PLD5: variants seen among roughly 807,000 people sequenced by gnomAD.
PLD5 encodes inactive phospholipase D5.
In PLD5, 36 loss-of-function variants were observed where a neutral mutation model predicts 61.1. That is an observed-to-expected ratio of 0.59 (90% CI 0.45 to 0.78). The LOEUF (loss-of-function observed/expected upper bound fraction) is 0.78, where lower values mean the gene tolerates loss of function less well. PLD5 is among the 30% of genes least tolerant of loss of function. The probability of loss-of-function intolerance (pLI) is 0.00; values close to 1 mark genes in which losing one functional copy is unlikely to be tolerated. For synonymous variants in PLD5, 243 were observed against 242.8 expected, an observed-to-expected ratio of 1.00 and a Z score of -0.01; for missense variants, 515 against 644.4, an observed-to-expected ratio of 0.80 and a Z score of 2.17.
At chr1:242,445,398 G>A (rs2102914740) in intron 1 of PLD5, among the ~76,000 whole-genome samples, 1 of 152,328 alleles carries the variant, frequency 6.6e-6, no homozygotes, top group Non-Finnish European at 1.5e-5. Flanking sequence ...CTGGAGTGCA[G>A]TGGTACAATC....
At chr1:242,316,419 G>A (rs189034716) in intron 2 of PLD5, among the ~76,000 whole-genome samples, 7 of 152,150 alleles carry the variant, frequency 4.6e-5, no homozygotes, top group Admixed American at 2.0e-4. Context: ...CATGGCTTTC[G>A]GTTGAGGCTG....
At chr1:242,375,563 A>G (rs896461151) in intron 1 of PLD5, among the ~76,000 whole-genome samples, 4 of 152,246 alleles carry the variant, frequency 2.6e-5, no homozygotes, top group Non-Finnish European at 4.4e-5. Flanking sequence ...CGTTGACTAC[A>G]GTATATCATG....
rs1472446349 is a variant in PLD5 at position 242,085,365 on chromosome 1, A to G, written c.*4489T>C. On this transcript the variant is annotated 3_prime_UTR_variant, in exon 10 of 10. Coordinates refer to ENST00000536534, the MANE Select transcript of PLD5 (RefSeq NM_001372062.1). ...TTACATCTTCAAGAAACTTCTGAGGAATACCCATTGAGTCACTGTATAAAG... is the reference window on the plus strand; with the variant it reads ...TTACATCTTCAAGAAACTTCTGAGGGATACCCATTGAGTCACTGTATAAAG... 1 of 152,214 alleles carries G rather than the reference A, an allele frequency of 6.6e-6. No homozygotes were observed. The highest frequency in any genetic ancestry group is 2.4e-5 in the African/African-American group (1 of 41,458). The allele number at this position is 152,214 out of a possible 1,614,324, so 9.4% of individuals were successfully genotyped here. A position where few individuals can be genotyped will look rare whatever the true frequency, so the allele number is the denominator to read the frequency against.
chr1:242,363,609 A>T (rs1661189574), intron 1 of PLD5, among the ~76,000 whole-genome samples: 1 of 151,960 alleles, frequency 6.6e-6, no homozygotes, highest in Non-Finnish European at 1.5e-5. Flanking sequence ...AGTAATATCT[A>T]CCAGACATGC....
At chr1:242,133,224 T>C (rs116833758) in intron 5 of PLD5, among the ~76,000 whole-genome samples, 181 of 152,162 alleles carry the variant, frequency 1.2e-3, no homozygotes, top group African/African-American at 4.2e-3. Context: ...GACATTTGCA[T>C]AGGGTATAAT....
chr1:242,360,669 T>C (rs1661016023), intron 1 of PLD5, among the ~76,000 whole-genome samples: 1 of 152,200 alleles, frequency 6.6e-6, no homozygotes, highest in South Asian at 2.1e-4. Context: ...AATGGTATGT[T>C]AGTGTCCTTA....
intron 5 of PLD5, among the ~76,000 whole-genome samples, chr1:242,160,866 CAG>C (rs58893892): frequency 0.35 from 52,778 of 151,582 alleles, 9,442 homozygotes; most frequent in African/African-American, 0.4. Context: ...GCCTGAGCAA[CAG>C]AGTGAGAATC....
intron 5 of PLD5, among the ~76,000 whole-genome samples, chr1:242,198,707 A>C (rs1668796087): frequency 6.7e-6 from 1 of 149,862 alleles, no homozygotes; most frequent in Non-Finnish European, 1.5e-5. Context: ...TTAGCAAAAA[A>C]AAAAAAAAAA....
intron 2 of PLD5, among the ~76,000 whole-genome samples, chr1:242,324,762 T>C (rs191436400): frequency 1.1e-3 from 166 of 152,290 alleles, no homozygotes; most frequent in African/African-American, 3.8e-3. Context: ...TGTTTGAGTA[T>C]TTTTTAGAGT....
Position 242,524,391 on chromosome 1 carries a change from T to A in PLD5, c.-115A>T. 9.5e-7 allele frequency: 1 copy of A among 1,056,762 alleles called. No homozygotes were observed. The highest frequency in any genetic ancestry group is 1.2e-6 in the Non-Finnish European group (1 of 809,552). 65.5% of individuals were successfully genotyped at this position (1,056,762 alleles called of 1,614,324 possible). A position where few individuals can be genotyped will look rare whatever the true frequency, so the allele number is the denominator to read the frequency against. ...GGGAGCCGGAGGTGGAGCTGGAGAC[T>A]GAGCTGGAGGAGCTGGAGGAGCGAG... On this transcript the variant is annotated 5_prime_UTR_variant, in exon 1 of 10. Transcript: ENST00000536534.
At chr1:242,361,881 T>C (rs1387715373) in intron 1 of PLD5, among the ~76,000 whole-genome samples, 1 of 151,910 alleles carries the variant, frequency 6.6e-6, no homozygotes, top group East Asian at 1.9e-4. Flanking sequence ...ATGCCTGTAG[T>C]CCTAGCACTT....
intron 1 of PLD5, among the ~76,000 whole-genome samples, chr1:242,458,113 A>G (rs1016218770): frequency 2.0e-5 from 3 of 152,206 alleles, no homozygotes; most frequent in Admixed American, 2.0e-4. Context: ...GACACATGGT[A>G]TCGGGGCTCT....
At chr1:242,401,045 A>C (rs1012635575) in intron 1 of PLD5, among the ~76,000 whole-genome samples, 2 of 152,142 alleles carry the variant, frequency 1.3e-5, no homozygotes, top group African/African-American at 4.8e-5. Flanking sequence ...TAAGCATCGC[A>C]AACACATGGG....
chr1:242,279,389 T>C (rs1428319576), intron 3 of PLD5, among the ~76,000 whole-genome samples: 1 of 152,178 alleles, frequency 6.6e-6, no homozygotes, highest in Non-Finnish European at 1.5e-5. Context: ...CTCCAAATAT[T>C]GTGACCTAAC....
intron 1 of PLD5, chr1:242,377,200 G>A (rs558078003): frequency 3.1e-6 from 5 of 1,611,398 alleles, no homozygotes; most frequent in Non-Finnish European, 4.2e-6. Context: ...GTGTAGCAGA[G>A]GCCACACTCC....
intron 1 of PLD5, among the ~76,000 whole-genome samples, chr1:242,382,940 A>T (rs1053629203): frequency 1.9e-4 from 29 of 151,524 alleles, no homozygotes; most frequent in African/African-American, 5.6e-4. Flanking sequence ...TTGCAGGTGT[A>T]AAAATCATTT....
intron 1 of PLD5, among the ~76,000 whole-genome samples, chr1:242,461,683 G>A (rs563984205): frequency 1.5e-4 from 23 of 152,106 alleles, no homozygotes; most frequent in Non-Finnish European, 1.9e-4. Context: ...TCCCACGGTG[G>A]CTGAACTAAC....
intron 1 of PLD5, among the ~76,000 whole-genome samples, chr1:242,482,546 T>C (rs1462681148): frequency 6.6e-6 from 1 of 152,002 alleles, no homozygotes; most frequent in Non-Finnish European, 1.5e-5. Flanking sequence ...CTCCAAGAAA[T>C]ATGGGACTAT....
intron 4 of PLD5, among the ~76,000 whole-genome samples, chr1:242,232,238 A>G (rs779377585): frequency 5.9e-5 from 9 of 152,206 alleles, no homozygotes; most frequent in Non-Finnish European, 1.2e-4. Flanking sequence ...GGAAATGAAC[A>G]AATAAAAATA....
Sources: gnomAD v4.1 joint callset for allele counts (sites outside exome capture counted in the v4.1 genomes callset) on GRCh38, gnomAD v4.1.1 for gene constraint, MANE v1.5 for transcripts, NCBI Gene and HGNC (gene_info 2026-07-23, HGNC 2026-07-21) for gene names.